CALCRL: variants seen among roughly 807,000 people sequenced by gnomAD.
The protein encoded by CALCRL is calcitonin receptor like receptor.
Under a neutral mutation model 60.4 loss-of-function variants are expected in CALCRL, and 27 were observed. The ratio of observed to expected loss-of-function variants is 0.45; its 90% confidence interval spans 0.33 to 0.62. The LOEUF (loss-of-function observed/expected upper bound fraction) is 0.62. Among genes scored for constraint, CALCRL ranks in the 20% least tolerant of loss-of-function variants. The pLI is 0.03. For missense variants in CALCRL, 424 were observed against 540.7 expected (o/e 0.78, Z 2.14); for synonymous variants, 190 against 182.6 (o/e 1.04, Z -0.33).
chr2:187,383,789 A>G (rs757576683), intron 4 of CALCRL, among the ~76,000 whole-genome samples: 1 of 152,172 alleles, frequency 6.6e-6, no homozygotes, highest in Non-Finnish European at 1.5e-5. Context: ...ATGTATTGCC[A>G]TTGTCATGAT....
At chr2:187,405,491 A>G (rs1333450963) in intron 1 of CALCRL, among the ~76,000 whole-genome samples, 1 of 152,052 alleles carries the variant, frequency 6.6e-6, no homozygotes, top group African/African-American at 2.4e-5. Flanking sequence ...AAGAGTGGTA[A>G]TAAACACCAG....
chr2:187,391,775 A>G (rs1474902726), intron 1 of CALCRL, among the ~76,000 whole-genome samples: 1 of 152,156 alleles, frequency 6.6e-6, no homozygotes, highest in East Asian at 1.9e-4. Flanking sequence ...TAAAATAAAA[A>G]TGATATATTT....
chr2:187,444,994 T>C (rs1691106736), intron 1 of CALCRL, among the ~76,000 whole-genome samples: 1 of 151,586 alleles, frequency 6.6e-6, no homozygotes, highest in South Asian at 2.1e-4. Flanking sequence ...GAAGATGTCT[T>C]GAAATAATTT....
At chr2:187,378,727 A>G (rs1039590695) in intron 8 of CALCRL, among the ~76,000 whole-genome samples, 6 of 152,122 alleles carry the variant, frequency 3.9e-5, no homozygotes, top group Non-Finnish European at 7.4e-5. Context: ...TCACTTTTAT[A>G]TGCCTACTAA....
chr2:187,396,579 C>A (rs1688662825), intron 1 of CALCRL, among the ~76,000 whole-genome samples: 1 of 151,614 alleles, frequency 6.6e-6, no homozygotes, highest in Admixed American at 6.6e-5. Flanking sequence ...AAAAATGATT[C>A]AACAATGTCT....
intron 1 of CALCRL, among the ~76,000 whole-genome samples, chr2:187,432,613 T>C (rs1690449917): frequency 6.6e-6 from 1 of 152,146 alleles, no homozygotes; most frequent in African/African-American, 2.4e-5. Flanking sequence ...ACCTTGTAAA[T>C]GTTTACTCCT....
intron 1 of CALCRL, among the ~76,000 whole-genome samples, chr2:187,439,604 A>G (rs566230653): frequency 6.6e-6 from 1 of 152,316 alleles, no homozygotes; most frequent in African/African-American, 2.4e-5. Context: ...GATAAAAAAG[A>G]AAAGAGGTCT....
At chr2:187,427,544 A>AGC (rs1690198591) in intron 1 of CALCRL, among the ~76,000 whole-genome samples, 1 of 152,146 alleles carries the variant, frequency 6.6e-6, no homozygotes, top group South Asian at 2.1e-4. Context: ...CTTTCTACTA[A>AGC]ATTTCAATGG....
chr2:187,414,647 CTATCTT>C (rs1470693212), intron 1 of CALCRL, among the ~76,000 whole-genome samples: 1 of 152,062 alleles, frequency 6.6e-6, no homozygotes, highest in Non-Finnish European at 1.5e-5. Flanking sequence ...ATGCCATCTT[CTATCTT>C]TATGCCAAAT....
At chr2:187,381,829 A>C (rs987328132) in intron 5 of CALCRL, among the ~76,000 whole-genome samples, 1 of 152,186 alleles carries the variant, frequency 6.6e-6, no homozygotes, top group African/African-American at 2.4e-5. Context: ...TTTTTAACAG[A>C]TTTGCAAGGC....
At chr2:187,375,956 G>C (rs919782896) in intron 8 of CALCRL, among the ~76,000 whole-genome samples, 3 of 152,026 alleles carry the variant, frequency 2.0e-5, no homozygotes, top group Non-Finnish European at 2.9e-5. Flanking sequence ...TTATCAATAA[G>C]AAATACAGTT....
chr2:187,411,977 T>TCAAA (rs1689382589), intron 1 of CALCRL, among the ~76,000 whole-genome samples: 1 of 48,928 alleles, frequency 2.0e-5, no homozygotes, highest in Admixed American at 3.2e-4. Flanking sequence ...AGACTCTGTC[T>TCAAA]CAAAAAAAAA....
intron 1 of CALCRL, among the ~76,000 whole-genome samples, chr2:187,420,710 T>C (rs1397132629): frequency 6.6e-6 from 1 of 152,062 alleles, no homozygotes; most frequent in African/African-American, 2.4e-5. Context: ...CTTCTGAGAG[T>C]AGAGGTGTAG....
At chr2:187,424,323 T>C (rs1445322541) in intron 1 of CALCRL, among the ~76,000 whole-genome samples, 1 of 152,036 alleles carries the variant, frequency 6.6e-6, no homozygotes, top group African/African-American at 2.4e-5. Flanking sequence ...CTTTGTGAGC[T>C]ATCTACAGCA....
intron 1 of CALCRL, among the ~76,000 whole-genome samples, chr2:187,420,031 A>G (rs984975122): frequency 1.3e-5 from 2 of 152,198 alleles, no homozygotes; most frequent in East Asian, 3.8e-4. Flanking sequence ...ACATTGAACT[A>G]CAAATTCCTA....
intron 8 of CALCRL, among the ~76,000 whole-genome samples, chr2:187,375,952 A>G (rs1478660066): frequency 6.6e-6 from 1 of 152,212 alleles, no homozygotes; most frequent in Non-Finnish European, 1.5e-5. Flanking sequence ...TTCTTTATCA[A>G]TAAGAAATAC....
chr2:187,361,434 G>T (rs955347906), intron 9 of CALCRL, among the ~76,000 whole-genome samples: 2 of 151,846 alleles, frequency 1.3e-5, no homozygotes, highest in East Asian at 3.9e-4. Flanking sequence ...TTAAACAGGA[G>T]AATACAATTA....
intron 1 of CALCRL, among the ~76,000 whole-genome samples, chr2:187,433,257 A>AT (rs898029496): frequency 6.6e-6 from 1 of 151,814 alleles, no homozygotes; most frequent in Non-Finnish European, 1.5e-5. Context: ...CAGAAGCATT[A>AT]TTTTTTTTCT....
chr2:187,407,587 T>G (rs1689190889), intron 1 of CALCRL, among the ~76,000 whole-genome samples: 1 of 152,096 alleles, frequency 6.6e-6, no homozygotes, highest in South Asian at 2.1e-4. Flanking sequence ...CCTATTAATC[T>G]TAGAAATTTG....
Sources: allele counts gnomAD v4.1 joint callset (sites outside exome capture counted in the v4.1 genomes callset), GRCh38; gene constraint gnomAD v4.1.1; transcripts MANE v1.5; gene names NCBI Gene and HGNC (gene_info 2026-07-23, HGNC 2026-07-21).